DZIP3: variants seen among roughly 807,000 people sequenced by gnomAD.
DZIP3 encodes E3 ubiquitin-protein ligase DZIP3.
A neutral mutation model predicts 162.0 loss-of-function variants in DZIP3; 118 were observed. The ratio of observed to expected loss-of-function variants is 0.73; its 90% CI spans 0.63 to 0.85. The LOEUF is 0.85. Among genes scored for constraint, DZIP3 ranks in the 40% least tolerant of loss-of-function variants. DZIP3 has a pLI of 0.00. For synonymous variants in DZIP3, 438 were observed against 458.6 expected, an observed-to-expected ratio of 0.96 and a Z score of 0.57; for missense variants, 1,331 against 1,407.0, an observed-to-expected ratio of 0.95 and a Z score of 0.86.
chr3:108,691,890 A>C (rs1944711313), intron 32 of DZIP3, among the ~76,000 whole-genome samples: 1 of 152,086 alleles, frequency 6.6e-6, no homozygotes. Context: ...TAAACGAACC[A>C]ATTTGTCCTT....
At chr3:108,602,671 C>T (rs1288545316) in intron 1 of DZIP3, among the ~76,000 whole-genome samples, 4 of 152,156 alleles carry the variant, frequency 2.6e-5, no homozygotes, top group Non-Finnish European at 4.4e-5. Context: ...AAGGTTTCCT[C>T]TTCTAGAATG....
chr3:108,634,591 T>C lies in DZIP3; in HGVS notation c.817-280T>C, dbSNP rs142869023. On this transcript the variant is annotated intron_variant, in intron 9 of 32. Transcript: ENST00000361582. ...GTAGCATGTTCCTCTGTAGACACAC[T>C]CACTGGGTTTCTGATATTTTGTTGT... Among the ~76,000 whole-genome samples the C allele has an allele frequency of 7.2e-5, 11 of 152,192 alleles. No individual in the cohort carries two copies. The East Asian group carries it at 1.9e-3, about 27-fold the overall frequency.
At chr3:108,624,623 C>T in intron 6 of DZIP3, 99 bp downstream of exon 6, 1 of 590,266 alleles carries the variant, frequency 1.7e-6, no homozygotes, top group Admixed American at 3.2e-5. Flanking sequence ...AAAAAGGAAA[C>T]TTAATATTAG....
At chr3:108,616,186 C>T (rs1368430796) in intron 4 of DZIP3, among the ~76,000 whole-genome samples, 2 of 151,852 alleles carry the variant, frequency 1.3e-5, no homozygotes, top group Non-Finnish European at 1.5e-5. Flanking sequence ...ATGGTGTGAA[C>T]ACGGGAGGCG....
chr3:108,631,049 A>ACTCTCTCTCT (rs1454927812), intron 8 of DZIP3, among the ~76,000 whole-genome samples: 21 of 55,540 alleles, frequency 3.8e-4, no homozygotes, highest in South Asian at 9.9e-4. Flanking sequence ...ACACACACAC[A>ACTCTCTCTCT]CACACACTCT....
intron 4 of DZIP3, among the ~76,000 whole-genome samples, chr3:108,612,720 G>A (rs939644579): frequency 6.6e-6 from 1 of 151,974 alleles, no homozygotes; most frequent in Non-Finnish European, 1.5e-5. Flanking sequence ...TAAATGCTAT[G>A]TAAATAGTTG....
At chr3:108,643,556 T>C (rs929774307) in intron 13 of DZIP3, among the ~76,000 whole-genome samples, 5 of 150,758 alleles carry the variant, frequency 3.3e-5, no homozygotes, top group African/African-American at 9.8e-5. Context: ...ACCCTTTGAG[T>C]AGCAAGGAGC....
In DZIP3 at chr3:108,654,328, G is replaced by C. The variant is rs111653936; in HGVS notation, c.2199+18G>C. 4.3e-6 allele frequency: 7 copies of C among 1,612,762 alleles called. No homozygotes were observed. The highest frequency in any genetic ancestry group is 4.0e-5 in the African/African-American group (3 of 75,008). Reference sequence around the variant, plus strand: ...TAGAGCAGGTAAGCATGATTAGAGAGGGTGCCTGCCTTCTCTTATTGTTAT... The same window carrying C: ...TAGAGCAGGTAAGCATGATTAGAGACGGTGCCTGCCTTCTCTTATTGTTAT... On this transcript the variant is annotated intron_variant, in intron 19 of 32. Coordinates refer to ENST00000361582, the MANE Select transcript of DZIP3 (RefSeq NM_014648.4).
At chr3:108,662,381 C>G in intron 21 of DZIP3, 124 bp downstream of exon 21, 1 of 1,202,992 alleles carries the variant, frequency 8.3e-7, no homozygotes, top group East Asian at 2.8e-5. Context: ...AACCACACGA[C>G]TGCACTTGTT....
chr3:108,607,991 C>A, intron 2 of DZIP3, 98 bp from the exon 3 acceptor site: 1 of 1,094,290 alleles, frequency 9.1e-7, no homozygotes, highest in Non-Finnish European at 1.4e-6. Flanking sequence ...TTTGGTTACA[C>A]TTTCAGACAA....
chr3:108,609,765 T>C (rs950594601), intron 3 of DZIP3, among the ~76,000 whole-genome samples: 1 of 152,096 alleles, frequency 6.6e-6, no homozygotes, highest in East Asian at 1.9e-4. Flanking sequence ...CACTTGTGCT[T>C]GGGAGGTCAA....
At chr3:108,654,024 T>G in intron 18 of DZIP3, 121 bp from the exon 19 acceptor site, 3 of 1,034,472 alleles carry the variant, frequency 2.9e-6, no homozygotes, top group Non-Finnish European at 4.2e-6. Flanking sequence ...CCTTTGATCA[T>G]GAACCCTTCT....
At chr3:108,613,277 T>C (rs56933567) in intron 4 of DZIP3, among the ~76,000 whole-genome samples, 2,948 of 152,228 alleles carry the variant, frequency 0.019, 88 homozygotes, top group African/African-American at 0.063. Flanking sequence ...TGTCGCTAAA[T>C]GCTAAGTCTA....
At chr3:108,665,513 A>G (rs1943629775) in intron 21 of DZIP3, among the ~76,000 whole-genome samples, 1 of 152,026 alleles carries the variant, frequency 6.6e-6, no homozygotes, top group African/African-American at 2.4e-5. Context: ...TGTCACTGGA[A>G]TTTCAAAAAG....
At chr3:108,607,947 T>C (rs1166198650) in intron 2 of DZIP3, 142 bp from the exon 3 acceptor site, 3 of 696,222 alleles carry the variant, frequency 4.3e-6, no homozygotes, top group Non-Finnish European at 2.5e-6. Flanking sequence ...TAAAGAGATA[T>C]GGCACCTACC....
At chr3:108,642,626 T>C (rs1045596157) in intron 13 of DZIP3, 112 bp downstream of exon 13, 15 of 1,196,428 alleles carry the variant, frequency 1.3e-5, no homozygotes, top group Non-Finnish European at 1.6e-5. Flanking sequence ...TGTCATTCAC[T>C]GAGCTTGGGT....
chr3:108,628,165 C>CCA (rs1941673242), intron 7 of DZIP3, among the ~76,000 whole-genome samples: 1 of 152,174 alleles, frequency 6.6e-6, no homozygotes, highest in Non-Finnish European at 1.5e-5. Flanking sequence ...GCATGAGCCA[C>CCA]CGCACCCAGC....
chr3:108,597,233 A>G (rs1415563043), intron 1 of DZIP3, among the ~76,000 whole-genome samples: 1 of 152,206 alleles, frequency 6.6e-6, no homozygotes, highest in Non-Finnish European at 1.5e-5. Context: ...GTTAACTTTC[A>G]CTTTTCAAAC....
intron 21 of DZIP3, among the ~76,000 whole-genome samples, chr3:108,665,630 G>A (rs1436030775): frequency 6.6e-6 from 1 of 152,028 alleles, no homozygotes; most frequent in East Asian, 1.9e-4. Context: ...AGTGAACCCC[G>A]AATAGCAAAA....
Sources: allele counts gnomAD v4.1 joint callset (sites outside exome capture counted in the v4.1 genomes callset), GRCh38; gene constraint gnomAD v4.1.1; transcripts MANE v1.5; gene names NCBI Gene and HGNC (gene_info 2026-07-23, HGNC 2026-07-21).